STYXL1: variants seen among roughly 807,000 people sequenced by gnomAD.
STYXL1 encodes serine/threonine/tyrosine interacting like 1, also known as serine/threonine/tyrosine-interacting-like protein 1.
STYXL1 carries 32 observed loss-of-function variants against 36.4 expected under a neutral mutation model. That is an observed-to-expected ratio of 0.88 (90% CI 0.66 to 1.18). The LOEUF is 1.18. Among genes scored for constraint, STYXL1 ranks in the 50% most tolerant of loss-of-function variants. The pLI is 0.00. For synonymous variants in STYXL1, 133 were observed against 144.1 expected (o/e 0.92, Z 0.55); for missense variants, 354 against 394.1 (o/e 0.90, Z 0.86).
Position 75,996,502 on chromosome 7 carries a change from T to C in STYXL1, c.908A>G (p.Asp303Gly), listed in dbSNP as rs782680445. 2.5e-5 allele frequency: 41 copies of C among 1,614,080 alleles called. No individual in the cohort carries two copies. The highest frequency in any genetic ancestry group is 3.4e-5 in the Non-Finnish European group (40 of 1,180,042). The change falls in exon 9 of 9, where the codon GAT becomes GGT. Residue 303 changes from aspartate (D) to glycine (G), a missense_variant. Coordinates refer to ENST00000359697, the MANE Select transcript of STYXL1 (RefSeq NM_001317785.2). Reference protein sequence around the residue: ...LLEWEKTILGDSITNIMDPLY With the variant: ...LLEWEKTILGGSITNIMDPLY ...CGGATCCATGATGTTTGTGATGGAA[T>C]CTCCAAGGATAGTCTTCTCCCATTC...
intron 1 of STYXL1, among the ~76,000 whole-genome samples, chr7:76,034,594 C>A (rs1795734056): frequency 6.6e-6 from 1 of 152,316 alleles, no homozygotes; most frequent in Admixed American, 6.5e-5. Flanking sequence ...TCTGCTTTAT[C>A]TACACTCACT....
chr7:76,043,347 G>A (rs190184204), intron 1 of STYXL1, among the ~76,000 whole-genome samples: 1 of 151,962 alleles, frequency 6.6e-6, no homozygotes, highest in Admixed American at 6.6e-5. Flanking sequence ...ACCATGTTGG[G>A]CAGGCTGGTC....
At chr7:76,038,607 T>TTA (rs1796178183) in intron 1 of STYXL1, among the ~76,000 whole-genome samples, 2 of 151,710 alleles carry the variant, frequency 1.3e-5, no homozygotes, top group African/African-American at 4.8e-5. Context: ...TATTTTTTTT[T>TTA]AGTAGAGACG....
At chr7:76,019,282 CT>C (rs112308010) in intron 4 of STYXL1, among the ~76,000 whole-genome samples, 13,677 of 136,328 alleles carry the variant, frequency 0.1, 629 homozygotes, top group Middle Eastern at 0.16. Flanking sequence ...CTGTTTTTTT[CT>C]TTTTTTTTTT....
intron 7 of STYXL1, among the ~76,000 whole-genome samples, chr7:76,001,214 T>TCATG (rs1458255744): frequency 6.6e-6 from 1 of 152,176 alleles, no homozygotes. Flanking sequence ...TTCCAGAGAA[T>TCATG]CATGCCTGGG....
chr7:76,002,361 G>A (rs151141168), intron 7 of STYXL1, among the ~76,000 whole-genome samples: 1,675 of 152,322 alleles, frequency 0.011, 26 homozygotes, highest in African/African-American at 0.036. Context: ...CAACCCTCAG[G>A]AACTGAAGAT....
rs148816744 is a variant in STYXL1, at chr7:76,006,993, T to C, written c.454-1589A>G. 8.2e-3 allele frequency among the ~76,000 whole-genome samples: 1,243 copies of C among 152,196 alleles called. 14 individuals are homozygous for C. The highest frequency in any genetic ancestry group is 0.028 in the African/African-American group (1,169 of 41,532). On this transcript the variant is annotated intron_variant, in intron 5 of 8. Coordinates refer to ENST00000359697, the MANE Select transcript of STYXL1 (RefSeq NM_001317785.2). ...CTTGGATGAAAAATATCCAGAAAAA[T>C]AATTCATGGTTGCATCTGTACAGAA...
intron 1 of STYXL1, among the ~76,000 whole-genome samples, chr7:76,036,035 G>T (rs1554580633): frequency 6.7e-6 from 1 of 149,862 alleles, no homozygotes; most frequent in African/African-American, 2.4e-5. Context: ...CTAGCCTTGG[G>T]TAAGTTGAGG....
intron 5 of STYXL1, among the ~76,000 whole-genome samples, chr7:76,009,267 C>T (rs1288099646): frequency 5.3e-5 from 8 of 150,208 alleles, no homozygotes; most frequent in Admixed American, 3.3e-4. Context: ...CTCCTTCTTC[C>T]CCCACCCCGC....
intron 8 of STYXL1, chr7:76,000,654 C>T (rs1790781309): frequency 8.3e-6 from 5 of 601,832 alleles, no homozygotes; most frequent in East Asian, 6.7e-5. Flanking sequence ...GGCTGCAGGA[C>T]AGCCTGACCT....
At chr7:76,027,042 G>A (rs1163247703) in intron 3 of STYXL1, among the ~76,000 whole-genome samples, 1 of 151,814 alleles carries the variant, frequency 6.6e-6, no homozygotes, top group African/African-American at 2.4e-5. Flanking sequence ...CAGCCTGGGT[G>A]ACAGGGAGAG....
In STYXL1 at chr7:76,006,545, C is replaced by T. The variant is rs530279733; in HGVS notation, c.454-1141G>A. On this transcript the variant is annotated intron_variant, in intron 5 of 8. Coordinates refer to ENST00000359697, the MANE Select transcript of STYXL1 (RefSeq NM_001317785.2). ...TTGGGAGGCTGAGGTGGGCGGATCA[C>T]GAGGTCAGGAGATCGAGACCATCCT... 7.2e-5 allele frequency among the ~76,000 whole-genome samples: 11 copies of T among 152,114 alleles called. No homozygotes were observed. In the South Asian group the frequency reaches 1.5e-3, roughly 20 times the overall value.
intron 8 of STYXL1, among the ~76,000 whole-genome samples, chr7:75,999,898 C>G (rs1790659151): frequency 6.6e-6 from 1 of 152,028 alleles, no homozygotes; most frequent in African/African-American, 2.4e-5. Flanking sequence ...AGGGGCAGAG[C>G]TGTGCAGTCA....
At chr7:76,019,280 T>C (rs1326092139) in intron 4 of STYXL1, among the ~76,000 whole-genome samples, 1 of 150,252 alleles carries the variant, frequency 6.7e-6, no homozygotes, top group Non-Finnish European at 1.5e-5. Flanking sequence ...AACTGTTTTT[T>C]TCTTTTTTTT....
At chr7:76,027,307 G>T (rs1433450992) in intron 3 of STYXL1, among the ~76,000 whole-genome samples, 1 of 152,004 alleles carries the variant, frequency 6.6e-6, no homozygotes, top group Non-Finnish European at 1.5e-5. Context: ...AAGGGAAGAG[G>T]GGACAGGAGG....
chr7:76,000,028 T>C, intron 8 of STYXL1, among the ~76,000 whole-genome samples: 1 of 148,652 alleles, frequency 6.7e-6, no homozygotes, highest in East Asian at 2.1e-4. Context: ...CTGTCTCTAC[T>C]AAAAATACAA....
intron 3 of STYXL1, among the ~76,000 whole-genome samples, chr7:76,024,832 C>G (rs1309008732): frequency 6.6e-6 from 1 of 151,116 alleles, no homozygotes; most frequent in African/African-American, 2.4e-5. Flanking sequence ...GCCTGTAGTC[C>G]CAGCTACTTG....
rs139867483 is a variant in STYXL1, at chr7:75,996,522, C to G, written c.888G>C (p.Trp296Cys). Residue 296 changes from tryptophan to cysteine, a missense_variant, in exon 9 of 9, where the codon TGG becomes TGC. By Grantham distance (215) the Trp-to-Cys change is radical. Transcript: ENST00000359697. ...TGGAATCTCCAAGGATAGTCTTCTC[C>G]CATTCCAGCAGCTGGCTCACCAATC... ...NRGLVSQLLE[W>C]EKTILGDSIT... The G allele has an allele frequency of 4.6e-5, 75 of 1,614,086 alleles. No homozygotes were observed. Among genetic ancestry groups the G allele is most frequent in the Non-Finnish European group, 6.1e-5 (72 of 1,180,042 alleles).
intron 6 of STYXL1, among the ~76,000 whole-genome samples, chr7:76,004,557 T>C (rs1791411147): frequency 6.6e-6 from 1 of 151,686 alleles, no homozygotes; most frequent in Admixed American, 6.6e-5. Context: ...CTACAAAAAT[T>C]AGCCGGGTAT....
Sources: allele counts gnomAD v4.1 joint callset (sites outside exome capture counted in the v4.1 genomes callset), GRCh38; gene constraint gnomAD v4.1.1; transcripts MANE v1.5; gene names NCBI Gene and HGNC (gene_info 2026-07-23, HGNC 2026-07-21).